The following CUX1 variants were observed in gnomAD, a reference collection of about 807,000 sequenced individuals.
CUX1 encodes the protein protein CASP.
Under a neutral mutation model 158.8 loss-of-function variants are expected in CUX1, and 31 were observed. The observed-to-expected ratio is 0.20, with a 90% CI of 0.15 to 0.26. The LOEUF is 0.26. CUX1 is among the 10% of genes least tolerant of loss of function. The pLI is 1.00. For missense variants in CUX1, 1,589 were observed against 2,014.6 expected (o/e 0.79, Z 4.04); for synonymous variants, 879 against 862.1 (o/e 1.02, Z -0.34).
intron 2 of CUX1, among the ~76,000 whole-genome samples, chr7:101,931,462 A>G (rs1319273603): frequency 6.6e-6 from 1 of 152,248 alleles, no homozygotes; most frequent in Non-Finnish European, 1.5e-5. Context: ...TAACACTCAC[A>G]GGATCCCTAC....
At chr7:101,955,137 C>T (rs1051352473) in intron 2 of CUX1, among the ~76,000 whole-genome samples, 1 of 149,770 alleles carries the variant, frequency 6.7e-6, no homozygotes, top group Admixed American at 6.7e-5. Context: ...TGCACTCCAG[C>T]GTGGGTGACA....
At chr7:101,986,183 T>C (rs756024411) in intron 2 of CUX1, among the ~76,000 whole-genome samples, 3 of 152,216 alleles carry the variant, frequency 2.0e-5, no homozygotes, top group Non-Finnish European at 2.9e-5. Flanking sequence ...TTTGCACAAG[T>C]GTTAACAACA....
rs879960291 is a variant in CUX1, at chr7:102,124,782, A to AT, written c.674+9525dup. ...TATATTGTAAAATTGGTTAGTAGAA[A>AT]TTTTTTTTTTTTTTTTGAGACAGAG... is the stretch of plus-strand genomic sequence containing the variant. On this transcript the variant is annotated intron_variant, in intron 8 of 23. Transcript: ENST00000292535. Among the ~76,000 whole-genome samples the AT allele has an allele frequency of 3.7e-3, 534 of 143,452 alleles. 1 individual carries two copies. Among genetic ancestry groups the AT allele is most frequent in the South Asian group, 0.012 (52 of 4,518 alleles). 94.1% of individuals were successfully genotyped at this position (143,452 alleles called of 152,430 possible).
chr7:102,177,946 G>A (rs1347193733), intron 10 of CUX1, among the ~76,000 whole-genome samples: 3 of 152,092 alleles, frequency 2.0e-5, no homozygotes, highest in African/African-American at 7.2e-5. Context: ...AGGCTGAAGT[G>A]CAGTGGTACA....
chr7:101,900,748 CAGA>C (rs1479759952), intron 1 of CUX1, among the ~76,000 whole-genome samples: 1 of 151,510 alleles, frequency 6.6e-6, no homozygotes. Context: ...AGCTGTGATT[CAGA>C]AGAAGAAAAA....
chr7:102,249,048 C>T lies in CUX1; in HGVS notation c.*6C>T, dbSNP rs368214. On this transcript the variant is annotated 3_prime_UTR_variant, in exon 24 of 24. Transcript: ENST00000292535. Reference sequence around the variant, plus strand: ...CTATCGAATGGGAGTTCTGAGGGGCCGCGGCCCTGGGGCGGGCAGCCAGGC... The same window carrying T: ...CTATCGAATGGGAGTTCTGAGGGGCTGCGGCCCTGGGGCGGGCAGCCAGGC... 732,483 of 1,299,166 alleles carry T rather than the reference C, an allele frequency of 0.56. 211,160 individuals carry two copies. The highest frequency in any genetic ancestry group is 0.89 in the East Asian group (28,756 of 32,180). The allele number at this position is 1,299,166 out of a possible 1,614,324, so 80.5% of individuals were successfully genotyped here. A position where few individuals can be genotyped will look rare whatever the true frequency, so the allele number is the denominator to read the frequency against.
At chr7:102,017,834 G>A (rs185237650) in intron 2 of CUX1, among the ~76,000 whole-genome samples, 4 of 152,308 alleles carry the variant, frequency 2.6e-5, no homozygotes, top group African/African-American at 4.8e-5. Context: ...GCAACAGAGC[G>A]AGACTCTGTC....
At position 102,256,710 on chromosome 7, in the gene CUX1, C is replaced by G; in HGVS notation, c.*7668C>G. ...TCTTAGCAAAGCCAAGTTCAGTTCCCCAAAGCCTCCTAGAGCCTCTGGTAA... is the reference window on the plus strand; with the variant it reads ...TCTTAGCAAAGCCAAGTTCAGTTCCGCAAAGCCTCCTAGAGCCTCTGGTAA... On this transcript the variant is annotated 3_prime_UTR_variant, in exon 24 of 24. Coordinates refer to ENST00000292535, the MANE Select transcript of CUX1 (RefSeq NM_181552.4). 2.0e-6 allele frequency: 2 copies of G among 985,448 alleles called. No homozygotes were observed. The highest frequency in any genetic ancestry group is 2.4e-6 in the Non-Finnish European group (2 of 829,952). 61.0% of individuals were successfully genotyped at this position (985,448 alleles called of 1,614,324 possible).
chr7:102,256,407 T>A lies in CUX1; in HGVS notation c.*7365T>A. On this transcript the variant is annotated 3_prime_UTR_variant, in exon 24 of 24. Coordinates refer to ENST00000292535, the MANE Select transcript of CUX1 (RefSeq NM_181552.4). ...TGTATTGTTATTTTGTGTTTTGTTG[T>A]CATAAATGCTTTTTGCTGTCACTCT... The A allele has an allele frequency of 3.0e-6, 3 of 985,438 alleles. No homozygotes were observed. The highest frequency in any genetic ancestry group is 3.6e-6 in the Non-Finnish European group (3 of 829,906). The allele number at this position is 985,438 out of a possible 1,614,324, so 61.0% of individuals were successfully genotyped here.
At chr7:102,219,548 T>C (rs1158399867) in intron 20 of CUX1, among the ~76,000 whole-genome samples, 1 of 152,216 alleles carries the variant, frequency 6.6e-6, no homozygotes, top group East Asian at 1.9e-4. Context: ...CCCTCGGGAA[T>C]TGGACCTTCG....
At chr7:101,823,707 C>A (rs2130937071) in intron 1 of CUX1, among the ~76,000 whole-genome samples, 1 of 152,276 alleles carries the variant, frequency 6.6e-6, no homozygotes, top group African/African-American at 2.4e-5. Context: ...ATGCAGTTAA[C>A]ATTTTTTTAA....
intron 1 of CUX1, among the ~76,000 whole-genome samples, chr7:101,895,892 T>G (rs13232828): frequency 0.13 from 10,913 of 82,136 alleles, 947 homozygotes; most frequent in East Asian, 0.59. Flanking sequence ...ACCTGTAAAG[T>G]TTTTTTTTTG....
chr7:101,866,307 AAAAC>A (rs1405560552), intron 1 of CUX1, among the ~76,000 whole-genome samples: 1 of 151,640 alleles, frequency 6.6e-6, no homozygotes, highest in Non-Finnish European at 1.5e-5. Flanking sequence ...ACTTAAAAAA[AAAAC>A]AAAACAAAAA....
chr7:101,963,653 T>A (rs1810785478), intron 2 of CUX1, among the ~76,000 whole-genome samples: 1 of 151,770 alleles, frequency 6.6e-6, no homozygotes, highest in Non-Finnish European at 1.5e-5. Context: ...AGCCTATGTA[T>A]ATATATATAT....
chr7:102,097,410 G>A lies in CUX1; in HGVS notation c.315G>A (p.Val105=). ...LDLGQQLQLK[V]QRLHDIETEN... ...TCGGACAGCAACTCCAGCTCAAAGT[G>A]CAGCGCCTGCACGATATTGAAACAG... is the stretch of plus-strand genomic sequence containing the variant. Residue 105 remains valine, a synonymous_variant, in exon 5 of 24, where the codon GTG becomes GTA. Coordinates refer to ENST00000292535, the MANE Select transcript of CUX1 (RefSeq NM_181552.4). The A allele has an allele frequency of 6.2e-7, 1 of 1,613,516 alleles. No homozygotes were observed.
intron 11 of CUX1, 74 bp downstream of exon 11, chr7:102,178,731 C>A (rs1222177120): frequency 1.4e-6 from 2 of 1,446,896 alleles, no homozygotes; most frequent in Non-Finnish European, 1.9e-6. Context: ...CACACACACA[C>A]CCTCTGCCTT....
At chr7:101,908,900 C>G (rs1803075382) in intron 1 of CUX1, among the ~76,000 whole-genome samples, 1 of 152,208 alleles carries the variant, frequency 6.6e-6, no homozygotes, top group Admixed American at 6.5e-5. Flanking sequence ...CACAGCCACA[C>G]AGGTTACAAT....
chr7:101,989,304 T>C (rs1391841752), intron 2 of CUX1, among the ~76,000 whole-genome samples: 1 of 152,232 alleles, frequency 6.6e-6, no homozygotes, highest in African/African-American at 2.4e-5. Flanking sequence ...GAACGATGTC[T>C]GCGCCGACCA....
chr7:101,933,094 T>C (rs903633122), intron 2 of CUX1, among the ~76,000 whole-genome samples: 1 of 152,248 alleles, frequency 6.6e-6, no homozygotes. Context: ...CCGAGAGTCA[T>C]TTTTATTTTA....
Sources: gnomAD v4.1 joint callset for allele counts (sites outside exome capture counted in the v4.1 genomes callset) on GRCh38, gnomAD v4.1.1 for gene constraint, MANE v1.5 for transcripts, NCBI Gene and HGNC (gene_info 2026-07-23, HGNC 2026-07-21) for gene names.